ACAD9: variants seen among roughly 807,000 people sequenced by gnomAD.
ACAD9 encodes the protein acyl-CoA dehydrogenase family member 9.
A neutral mutation model predicts 70.2 loss-of-function variants in ACAD9; 53 were observed. The observed-to-expected ratio is 0.75, with a 90% CI of 0.61 to 0.95. The LOEUF is 0.95. Ranked by LOEUF, ACAD9 falls within the 40% of genes least tolerant of loss-of-function variation. The probability of loss-of-function intolerance (pLI) is 0.00; values close to 1 mark genes in which losing one functional copy is unlikely to be tolerated. For missense variants in ACAD9, 777 were observed against 802.8 expected, an observed-to-expected ratio of 0.97 and a Z score of 0.39; for synonymous variants, 313 against 312.1, an observed-to-expected ratio of 1.00 and a Z score of -0.03.
At chr3:128,904,005 T>C in intron 9 of ACAD9, 57 bp from the exon 10 acceptor site, 4 of 1,576,502 alleles carry the variant, frequency 2.5e-6, no homozygotes, top group Non-Finnish European at 3.5e-6. Flanking sequence ...CCATAGGAAA[T>C]CATGTTTGAA....
rs1256442805 is a variant in ACAD9 at position 128,911,868 on chromosome 3, A to AG, written c.1766-638dup. 1.8e-4 allele frequency among the ~76,000 whole-genome samples: 27 copies of AG among 152,356 alleles called. No homozygotes were observed. In the East Asian group the frequency reaches 5.2e-3, roughly 29 times the overall value. On this transcript the variant is annotated intron_variant, in intron 17 of 17. Coordinates refer to ENST00000308982, the MANE Select transcript of ACAD9 (RefSeq NM_014049.5). ...TGTACTCCATCCAAAATGACCCTGCAGTGCCCTGCAGAGGTCTCAGGCCTT... is the reference window on the plus strand; with the variant it reads ...TGTACTCCATCCAAAATGACCCTGCAGGTGCCCTGCAGAGGTCTCAGGCCTT...
intron 8 of ACAD9, among the ~76,000 whole-genome samples, chr3:128,901,591 G>A (rs996518311): frequency 6.6e-6 from 1 of 152,200 alleles, no homozygotes; most frequent in Admixed American, 6.5e-5. Flanking sequence ...CTCGAGCGGA[G>A]GCTAAGATTC....
intron 17 of ACAD9, among the ~76,000 whole-genome samples, chr3:128,911,509 C>T (rs1936317142): frequency 6.6e-6 from 1 of 152,180 alleles, no homozygotes; most frequent in Admixed American, 6.5e-5. Context: ...ATGATCTTGG[C>T]TCACTGCAAC....
At chr3:128,908,100 G>C in intron 12 of ACAD9, 85 bp from the exon 13 acceptor site, 1 of 1,307,378 alleles carries the variant, frequency 7.6e-7, no homozygotes, top group African/African-American at 1.5e-5. Context: ...CAAGCAGGCA[G>C]TGGCCGGCTC....
At chr3:128,886,734 GT>G (rs1465419895) in intron 2 of ACAD9, among the ~76,000 whole-genome samples, 1 of 144,042 alleles carries the variant, frequency 6.9e-6, no homozygotes, top group East Asian at 2.0e-4. Context: ...AGAAAAGTAA[GT>G]TAAAAAAAAA....
At chr3:128,893,476 TA>T in intron 2 of ACAD9, 78 bp from the exon 3 acceptor site, 1 of 1,112,380 alleles carries the variant, frequency 9.0e-7, no homozygotes, top group South Asian at 1.3e-5. Flanking sequence ...ATATGATTAA[TA>T]TATAAACACT....
intron 1 of ACAD9, among the ~76,000 whole-genome samples, chr3:128,881,434 C>T (rs1935090724): frequency 6.6e-6 from 1 of 152,204 alleles, no homozygotes. Context: ...GCATATGTGC[C>T]GGTATTATCT....
chr3:128,902,855 G>A lies in ACAD9; in HGVS notation c.958+227G>A, dbSNP rs1015706754. Among the ~76,000 whole-genome samples, 1 of 152,170 alleles carries A rather than the reference G, an allele frequency of 6.6e-6. No individual in the cohort carries two copies. The highest frequency in any genetic ancestry group is 2.4e-5 in the African/African-American group (1 of 41,434). ...GTTTCACCTCCACCCGGGTGATGCT[G>A]ACTGGGGGACAGGCTTTCTGTCTGG... On this transcript the variant is annotated intron_variant, in intron 9 of 17. Coordinates refer to ENST00000308982, the MANE Select transcript of ACAD9 (RefSeq NM_014049.5). This position sits in a 1 kb window ranked among gnomAD's most constrained non-coding sequence, Gnocchi z 4.0.
At chr3:128,904,175 AC>A (rs1193534985) in intron 10 of ACAD9, 43 bp downstream of exon 10, 2 of 1,605,464 alleles carry the variant, frequency 1.2e-6, no homozygotes, top group South Asian at 2.2e-5. Flanking sequence ...TCACTGTGTG[AC>A]ATGAACGGTG....
rs1935574815 is a variant in ACAD9, at chr3:128,896,498, G to A, written c.516G>A (p.Gly172=). The A allele has an allele frequency of 1.2e-6, 2 of 1,614,072 alleles. No homozygotes were observed. Among genetic ancestry groups the A allele is most frequent in the Admixed American group, 1.7e-5 (1 of 59,992 alleles). The change falls in exon 5 of 18, where the codon GGG becomes GGA. Residue 172 remains glycine, a synonymous_variant. Transcript: ENST00000308982. ...KAKYLPKLAS[G]EHIAAFCLTE... ...AATACTTGCCTAAACTGGCGTCCGG[G>A]GAGCACATTGCAGCCTTCTGCCTCA...
chr3:128,910,172 C>T, intron 16 of ACAD9, 23 bp downstream of exon 16: 2 of 1,613,898 alleles, frequency 1.2e-6, no homozygotes, highest in Non-Finnish European at 1.7e-6. Context: ...CAGCCTCACA[C>T]AGGGCCTGGC....
chr3:128,901,426 C>T (rs1935736277), intron 8 of ACAD9, 77 bp downstream of exon 8: 4 of 1,493,924 alleles, frequency 2.7e-6, no homozygotes, highest in South Asian at 1.1e-5. Flanking sequence ...TTGCCCTATC[C>T]CTGCTCGTAG....
intron 2 of ACAD9, among the ~76,000 whole-genome samples, chr3:128,891,910 T>C (rs915812249): frequency 1.3e-5 from 2 of 152,260 alleles, no homozygotes; most frequent in African/African-American, 4.8e-5. Context: ...GTGTTTATAC[T>C]GTTTATTGAA....
rs766325267 is a variant in ACAD9, at chr3:128,912,669, G to C, written c.*62G>C. The C allele has an allele frequency of 2.2e-6, 3 of 1,386,006 alleles. No homozygotes were observed. The highest frequency in any genetic ancestry group is 3.1e-6 in the Non-Finnish European group (3 of 972,658). The allele number at this position is 1,386,006 out of a possible 1,614,324, so 85.9% of individuals were successfully genotyped here. On this transcript the variant is annotated 3_prime_UTR_variant, in exon 18 of 18. Coordinates refer to ENST00000308982, the MANE Select transcript of ACAD9 (RefSeq NM_014049.5). Reference sequence around the variant, plus strand: ...ACCCATGGCCCGTTGCTGGATGACTGTTACTCTTTTTTCAGAAGGTGTTGG... The same window carrying C: ...ACCCATGGCCCGTTGCTGGATGACTCTTACTCTTTTTTCAGAAGGTGTTGG...
chr3:128,890,472 A>G (rs1236625330), intron 2 of ACAD9, among the ~76,000 whole-genome samples: 7 of 151,798 alleles, frequency 4.6e-5, no homozygotes, highest in Non-Finnish European at 7.4e-5. Context: ...GGCGGCCGAG[A>G]TGGGCGGATC....
rs769920112 is a variant in ACAD9 at position 128,908,257 on chromosome 3, A to G, written c.1351A>G (p.Arg451Gly). The G allele has an allele frequency of 6.2e-7, 1 of 1,614,126 alleles. No individual in the cohort carries two copies. Among genetic ancestry groups the G allele is most frequent in the East Asian group, 2.2e-5 (1 of 44,880 alleles). ...LQHAGRILTT[R>G]IHELKQAKVS... ...GCATGCCGGCCGCATCCTGACTACCAGGATCCAGTAGGTGCCATTGTCACC... is the reference window on the plus strand; with the variant it reads ...GCATGCCGGCCGCATCCTGACTACCGGGATCCAGTAGGTGCCATTGTCACC... The change falls in exon 13 of 18, where the codon AGG (arginine) becomes GGG (glycine). Residue 451 changes from arginine (R) to glycine (G), a missense_variant. By Grantham distance (125) the Arg-to-Gly change is moderately radical (BLOSUM62 -2). Transcript: ENST00000308982.
chr3:128,895,223 T>TA (rs1463861503), intron 3 of ACAD9, 87 bp from the exon 4 acceptor site: 1 of 998,020 alleles, frequency 1.0e-6, no homozygotes, highest in Non-Finnish European at 1.5e-6. Flanking sequence ...CATTACTTTA[T>TA]AATCAGAAGA....
intron 4 of ACAD9, among the ~76,000 whole-genome samples, chr3:128,896,020 C>T (rs1935559089): frequency 6.6e-6 from 1 of 152,220 alleles, no homozygotes; most frequent in South Asian, 2.1e-4. Flanking sequence ...TGAGCACCTT[C>T]TTTAGGATAG....
chr3:128,894,007 C>CTTATTAGAGTTGGCCAG (rs1935496780), intron 3 of ACAD9, among the ~76,000 whole-genome samples: 1 of 152,290 alleles, frequency 6.6e-6, no homozygotes, highest in African/African-American at 2.4e-5. Flanking sequence ...GCGGTTCTGC[C>CTTATTAGAGTTGGCCAG]TTATTAGAGT....
Sources: allele counts gnomAD v4.1 joint callset (sites outside exome capture counted in the v4.1 genomes callset), GRCh38; gene constraint gnomAD v4.1.1; non-coding constraint Gnocchi (gnomAD v3.1); transcripts MANE v1.5; gene names NCBI Gene and HGNC (gene_info 2026-07-23, HGNC 2026-07-21).